Variants in UBXN2A observed in about 807,000 individuals in gnomAD.
The protein encoded by UBXN2A is UBX domain protein 2A.
In UBXN2A, 28 loss-of-function variants were observed where a neutral mutation model predicts 28.4. The observed-to-expected ratio is 0.99, with a 90% CI of 0.73 to 1.35. The LOEUF (loss-of-function observed/expected upper bound fraction) is 1.35. UBXN2A is among the 40% of genes most tolerant of loss of function. The pLI, the probability that UBXN2A is intolerant of heterozygous loss-of-function variation, is 0.00. For missense variants in UBXN2A, 253 were observed against 297.9 expected (o/e 0.85, Z 1.11); for synonymous variants, 97 against 103.6 (o/e 0.94, Z 0.39).
At chr2:23,969,764 G>A (rs1471684901) in intron 2 of UBXN2A, among the ~76,000 whole-genome samples, 1 of 152,110 alleles carries the variant, frequency 6.6e-6, no homozygotes, top group Non-Finnish European at 1.5e-5. Context: ...AGGCAGCAGT[G>A]AGCTGTGATC....
At chr2:23,933,092 G>A (rs1366469002) in intron 1 of UBXN2A, among the ~76,000 whole-genome samples, 3 of 151,110 alleles carry the variant, frequency 2.0e-5, no homozygotes, top group African/African-American at 7.3e-5. Flanking sequence ...GCAACAGAGC[G>A]AGACTCCATC....
chr2:23,943,121 A>G (rs1705854834), intron 1 of UBXN2A, among the ~76,000 whole-genome samples: 1 of 151,864 alleles, frequency 6.6e-6, no homozygotes, highest in Non-Finnish European at 1.5e-5. Context: ...ATGCCTGGCT[A>G]GTTTTTTGTA....
intron 1 of UBXN2A, among the ~76,000 whole-genome samples, chr2:23,956,540 A>G (rs893023249): frequency 6.6e-6 from 1 of 151,582 alleles, no homozygotes; most frequent in Non-Finnish European, 1.5e-5. Flanking sequence ...TTTAGTGGAG[A>G]TGGGGTTTCA....
chr2:23,992,047 C>G (rs1020327016), intron 6 of UBXN2A, among the ~76,000 whole-genome samples: 1 of 152,166 alleles, frequency 6.6e-6, no homozygotes, highest in Non-Finnish European at 1.5e-5. Flanking sequence ...TCTCAGCTCA[C>G]TGCAACCTCC....
chr2:23,985,277 C>T (rs1708080239), intron 6 of UBXN2A, among the ~76,000 whole-genome samples: 1 of 151,900 alleles, frequency 6.6e-6, no homozygotes, highest in African/African-American at 2.4e-5. Flanking sequence ...GAGTCGGAGT[C>T]TCGCTCTGTT....
chr2:23,996,347 A>G (rs935467508), intron 6 of UBXN2A, among the ~76,000 whole-genome samples: 4 of 151,986 alleles, frequency 2.6e-5, no homozygotes, highest in African/African-American at 9.7e-5. Flanking sequence ...GAGTACAGGC[A>G]TGAGTCACCA....
intron 3 of UBXN2A, 113 bp from the exon 4 acceptor site, chr2:23,976,856 C>T: frequency 1.3e-6 from 1 of 771,746 alleles, no homozygotes; most frequent in East Asian, 2.8e-5. Flanking sequence ...GCTGGGATTA[C>T]AGGAGTGAAC....
intron 1 of UBXN2A, among the ~76,000 whole-genome samples, chr2:23,942,348 C>A (rs1705803632): frequency 1.3e-5 from 2 of 149,672 alleles, no homozygotes; most frequent in Middle Eastern, 7.2e-3. Flanking sequence ...TCAGGAACTT[C>A]AGCAGTTGTT....
At chr2:23,970,531 G>C (rs1156984797) in intron 2 of UBXN2A, among the ~76,000 whole-genome samples, 1 of 152,048 alleles carries the variant, frequency 6.6e-6, no homozygotes, top group Non-Finnish European at 1.5e-5. Flanking sequence ...TGGCACCAGG[G>C]ACTGGTTTTG....
At chr2:23,958,845 C>A (rs1238700121) in intron 2 of UBXN2A, among the ~76,000 whole-genome samples, 1 of 151,764 alleles carries the variant, frequency 6.6e-6, no homozygotes, top group Non-Finnish European at 1.5e-5. Flanking sequence ...ATCTTTTTTT[C>A]TTTTTCTTTT....
Position 23,929,401 on chromosome 2 carries a change from CA to C in UBXN2A, c.-138+1793del, listed in dbSNP as rs531556386. 3.1e-3 allele frequency among the ~76,000 whole-genome samples: 434 copies of C among 141,672 alleles called. 14 individuals carry two copies. Among genetic ancestry groups the C allele is most frequent in the Admixed American group, 0.028 (398 of 13,976 alleles). The allele number at this position is 141,672 out of a possible 152,430, so 92.9% of individuals were successfully genotyped here. A position where few individuals can be genotyped will look rare whatever the true frequency, so the allele number is the denominator to read the frequency against. On this transcript the variant is annotated intron_variant, in intron 1 of 7. Coordinates refer to the UBXN2A transcript ENST00000404924. The stretch of plus-strand genomic sequence containing the variant: ...TGGGTGACAGAGTAACACCCTGTCT[CA>C]AAAAAATATTTAAAAAAAAAAAAAA...
intron 6 of UBXN2A, among the ~76,000 whole-genome samples, chr2:23,985,602 G>GCTT: frequency 6.9e-6 from 1 of 144,398 alleles, no homozygotes; most frequent in South Asian, 2.2e-4. Flanking sequence ...TGTCTAGACA[G>GCTT]TTTTTTTTTT....
intron 4 of UBXN2A, among the ~76,000 whole-genome samples, chr2:23,981,773 C>A (rs6721481): frequency 0.99 from 151,208 of 152,042 alleles, 75,193 homozygotes; most frequent in East Asian, 1. Flanking sequence ...CTATAGTCCC[C>A]GCTACTCAGG....
intron 1 of UBXN2A, among the ~76,000 whole-genome samples, chr2:23,941,996 T>G (rs1705782824): frequency 6.6e-6 from 1 of 152,100 alleles, no homozygotes; most frequent in South Asian, 2.1e-4. Flanking sequence ...GAGAATAGCT[T>G]GAGCCGGCGA....
rs1323484832 is a variant in UBXN2A, at chr2:24,002,727, C to T, written c.*2860C>T. The T allele has an allele frequency of 1.3e-5, 2 of 152,024 alleles. No homozygotes were observed. The highest frequency in any genetic ancestry group is 1.9e-4 in the East Asian group (1 of 5,154). 9.4% of individuals were successfully genotyped at this position (152,024 alleles called of 1,614,324 possible). Reference sequence around the variant, plus strand: ...GCCCAGCCAATAATAACTTATAAAACATGAAACGATTTAGTGAGAAAAGTG... The same window carrying T: ...GCCCAGCCAATAATAACTTATAAAATATGAAACGATTTAGTGAGAAAAGTG... On this transcript the variant is annotated 3_prime_UTR_variant, in exon 7 of 7. Transcript: ENST00000309033.
intron 1 of UBXN2A, 73 bp downstream of exon 1, chr2:23,940,721 C>T (rs866639178): frequency 6.6e-6 from 1 of 151,792 alleles, no homozygotes; most frequent in Non-Finnish European, 1.5e-5. Flanking sequence ...CGGCTGGGGC[C>T]GAGGGGTCGC....
chr2:23,979,466 C>T (rs1250329704), intron 4 of UBXN2A, among the ~76,000 whole-genome samples: 1 of 152,080 alleles, frequency 6.6e-6, no homozygotes, highest in East Asian at 1.9e-4. Flanking sequence ...ACTATGTGTA[C>T]ATTTATTTTT....
intron 6 of UBXN2A, among the ~76,000 whole-genome samples, chr2:23,989,185 C>G (rs1275752902): frequency 6.6e-6 from 1 of 151,966 alleles, no homozygotes; most frequent in Non-Finnish European, 1.5e-5. Flanking sequence ...TTCTATGAGG[C>G]CAGCATTACC....
chr2:23,999,989 C>A lies in UBXN2A; in HGVS notation c.*122C>A. 1 of 876,536 alleles carries A rather than the reference C, an allele frequency of 1.1e-6. No individual in the cohort carries two copies. Among genetic ancestry groups the A allele is most frequent in the Non-Finnish European group, 1.7e-6 (1 of 571,434 alleles). 54.3% of individuals were successfully genotyped at this position (876,536 alleles called of 1,614,324 possible). ...CTTTTGGTTCGAGTACTATTGAACT[C>A]TCTCCTGATGAGAAGATGTTTAGAT... is the stretch of plus-strand genomic sequence containing the variant. On this transcript the variant is annotated 3_prime_UTR_variant, in exon 7 of 7. Coordinates refer to ENST00000309033, the MANE Select transcript of UBXN2A (RefSeq NM_181713.4).
Sources: allele counts gnomAD v4.1 joint callset (sites outside exome capture counted in the v4.1 genomes callset), GRCh38; gene constraint gnomAD v4.1.1; transcripts MANE v1.5; gene names NCBI Gene and HGNC (gene_info 2026-07-23, HGNC 2026-07-21).